The following KIF1A variants were observed in gnomAD, a reference collection of about 807,000 sequenced individuals.
KIF1A encodes the protein kinesin-like protein KIF1A.
Under a neutral mutation model 227.3 loss-of-function variants are expected in KIF1A, and 46 were observed. The observed-to-expected ratio is 0.20, with a 90% confidence interval of 0.16 to 0.26. KIF1A has a LOEUF of 0.26. KIF1A is among the 10% of genes least tolerant of loss of function. The pLI is 1.00. For missense variants in KIF1A, 1,683 were observed against 2,485.9 expected (o/e 0.68, Z 6.87); for synonymous variants, 1,022 against 1,012.8 (o/e 1.01, Z -0.17).
rs387907259 is a variant in KIF1A at position 240,773,246 on chromosome 2, G to A, written c.1048C>T (p.Arg350Trp). ...GCATTGCAGCGGATCTGCTTGGCCC[G>A]GTCAGCATACCTGGGTGGCAGAGGG... ...ETLSTLRYAD[R>W]AKQIRCNAVI... Residue 350 changes from arginine (R) to tryptophan (W), a missense_variant, in exon 13 of 49, where the codon CGG (arginine) becomes TGG (tryptophan). This residue lies in a region of KIF1A where 15 missense variants were observed against 78.3 expected (regional missense o/e 0.19). Transcript: ENST00000498729. 6.2e-7 allele frequency: 1 copy of A among 1,613,750 alleles called. No homozygotes were observed. Among genetic ancestry groups the A allele is most frequent in the Non-Finnish European group, 8.5e-7 (1 of 1,179,814 alleles).
intron 38 of KIF1A, among the ~76,000 whole-genome samples, chr2:240,728,990 C>T (rs540294957): frequency 4.6e-5 from 7 of 152,326 alleles, no homozygotes; most frequent in African/African-American, 1.4e-4. Context: ...TACACATCAG[C>T]ATCACTATCT....
intron 40 of KIF1A, chr2:240,724,947 G>GAAC: frequency 5.4e-6 from 1 of 185,410 alleles, no homozygotes; most frequent in Non-Finnish European, 1.1e-5. Context: ...GGGGGGGGGG[G>GAAC]GGGGAACGGT....
At chr2:240,760,440 A>T (rs2050372521) in intron 25 of KIF1A, among the ~76,000 whole-genome samples, 1 of 152,244 alleles carries the variant, frequency 6.6e-6, no homozygotes, top group Non-Finnish European at 1.5e-5. Context: ...AAAATGTCCA[A>T]ATCTATTTTT....
chr2:240,774,415 T>C (rs2052481505), intron 11 of KIF1A, among the ~76,000 whole-genome samples, 154 bp from the exon 12 acceptor site: 1 of 39,932 alleles, frequency 2.5e-5, no homozygotes, highest in African/African-American at 1.1e-4. Flanking sequence ...CCCCACCCCA[T>C]GAACACAGAC....
intron 25 of KIF1A, among the ~76,000 whole-genome samples, chr2:240,759,600 C>G (rs2050271491): frequency 6.6e-6 from 1 of 152,214 alleles, no homozygotes; most frequent in Non-Finnish European, 1.5e-5. Context: ...GTGCCTCCCC[C>G]TGTAGCCCTG....
At chr2:240,753,731 C>T (rs2049492632) in intron 27 of KIF1A, among the ~76,000 whole-genome samples, 2 of 152,174 alleles carry the variant, frequency 1.3e-5, no homozygotes, top group East Asian at 1.9e-4. Flanking sequence ...ACCAGCTGCA[C>T]CCTTCTTTCT....
intron 38 of KIF1A, among the ~76,000 whole-genome samples, chr2:240,730,586 G>T (rs1168030025): frequency 1.3e-5 from 2 of 152,202 alleles, no homozygotes; most frequent in Non-Finnish European, 2.9e-5. Context: ...CGATCTAACA[G>T]GCTGAGGCCA....
At chr2:240,780,806 A>ACACACACACACACACACACACAGCTC (rs1559522445) in intron 10 of KIF1A, among the ~76,000 whole-genome samples, 1 of 87,050 alleles carries the variant, frequency 1.1e-5, no homozygotes, top group African/African-American at 7.4e-5. Context: ...CTCCACACAC[A>ACACACACACACACACACACACAGCTC]CACACACACA....
rs988524647 is a variant in KIF1A at position 240,715,171 on chromosome 2, G to C, written c.*2193C>G. On this transcript the variant is annotated 3_prime_UTR_variant, in exon 49 of 49. Transcript: ENST00000498729. ...TGCCTCTCCTTCCTGCCTCCAGGCAGCGCTGGATGCCGGAGCAGGTGCTTC... is the reference window on the plus strand; with the variant it reads ...TGCCTCTCCTTCCTGCCTCCAGGCACCGCTGGATGCCGGAGCAGGTGCTTC... 2 of 152,628 alleles carry C rather than the reference G, an allele frequency of 1.3e-5. No individual in the cohort carries two copies. Among genetic ancestry groups the C allele is most frequent in the Non-Finnish European group, 1.5e-5 (1 of 68,186 alleles). The allele number at this position is 152,628 out of a possible 1,614,324, so 9.5% of individuals were successfully genotyped here.
At chr2:240,731,287 C>T (rs1371596035) in intron 38 of KIF1A, among the ~76,000 whole-genome samples, 1 of 149,090 alleles carries the variant, frequency 6.7e-6, no homozygotes, top group Non-Finnish European at 1.5e-5. Context: ...ATGCCAGGCA[C>T]AGACTAAACA....
chr2:240,722,796 G>T, intron 42 of KIF1A, 140 bp from the exon 43 acceptor site: 1 of 660,990 alleles, frequency 1.5e-6, no homozygotes, highest in Non-Finnish European at 2.4e-6. Context: ...AAGACTGACA[G>T]CCCTCAGCTG....
In KIF1A at chr2:240,761,226, C is replaced by T. The variant is rs1575587748; in HGVS notation, c.2265+3G>A. 1 of 1,611,028 alleles carries T rather than the reference C, an allele frequency of 6.2e-7. No individual in the cohort carries two copies. Among genetic ancestry groups the T allele is most frequent in the Admixed American group, 1.7e-5 (1 of 59,872 alleles). On this transcript the variant is annotated splice_donor_region_variant and intron_variant, in intron 24 of 48. Coordinates refer to ENST00000498729, the MANE Select transcript of KIF1A (RefSeq NM_001244008.2). Reference sequence around the variant, plus strand: ...GAAACGGTACAGCCAGTGGGCAGCCCACCTTCTTTTTCAGCTCCACGCTGA... The same window carrying T: ...GAAACGGTACAGCCAGTGGGCAGCCTACCTTCTTTTTCAGCTCCACGCTGA...
intron 1 of KIF1A, among the ~76,000 whole-genome samples, chr2:240,801,306 A>G (rs2056939891): frequency 8.6e-6 from 1 of 116,456 alleles, no homozygotes; most frequent in Non-Finnish European, 1.7e-5. Flanking sequence ...AGGACTGGAA[A>G]CTATAAAAAA....
At chr2:240,803,822 T>A (rs918150361) in intron 1 of KIF1A, among the ~76,000 whole-genome samples, 1 of 152,240 alleles carries the variant, frequency 6.6e-6, no homozygotes, top group Non-Finnish European at 1.5e-5. Context: ...AATGTTTGAT[T>A]GTTCTACACT....
At chr2:240,765,565 C>T (rs529788706) in intron 20 of KIF1A, 145 bp downstream of exon 20, 64 of 668,298 alleles carry the variant, frequency 9.6e-5, no homozygotes, top group Admixed American at 7.8e-4. Flanking sequence ...CTTGGATACC[C>T]GCAGCCCCCT....
chr2:240,782,425 G>A (rs1204137345), intron 10 of KIF1A, among the ~76,000 whole-genome samples, 165 bp downstream of exon 10: 1 of 152,010 alleles, frequency 6.6e-6, no homozygotes, highest in Non-Finnish European at 1.5e-5. Flanking sequence ...GGCACCGCAC[G>A]GGGCCTCCCA....
At chr2:240,772,250 G>C (rs964688929) in intron 14 of KIF1A, among the ~76,000 whole-genome samples, 6 of 152,210 alleles carry the variant, frequency 3.9e-5, no homozygotes, top group African/African-American at 1.4e-4. Context: ...GGGTGCACAG[G>C]GGGTCAGAGG....
intron 28 of KIF1A, 22 bp from the exon 29 acceptor site, chr2:240,747,343 T>G: frequency 6.2e-7 from 1 of 1,602,596 alleles, no homozygotes; most frequent in Non-Finnish European, 8.5e-7. Flanking sequence ...ACAGAGCAAA[T>G]GGTTGGAGCC....
At chr2:240,727,514 T>C (rs1049937363) in intron 38 of KIF1A, among the ~76,000 whole-genome samples, 4 of 152,206 alleles carry the variant, frequency 2.6e-5, no homozygotes, top group Non-Finnish European at 5.9e-5. Flanking sequence ...GACAATGGAC[T>C]CACCCTTGGT....
Sources: allele counts gnomAD v4.1 joint callset (sites outside exome capture counted in the v4.1 genomes callset), GRCh38; gene constraint gnomAD v4.1.1; regional missense constraint gnomAD v4.1.1; transcripts MANE v1.5; gene names NCBI Gene and HGNC (gene_info 2026-07-23, HGNC 2026-07-21).